RAF1: variants seen among roughly 807,000 people sequenced by gnomAD.
The protein encoded by RAF1 is RAF proto-oncogene serine/threonine-protein kinase.
RAF1 carries 27 observed loss-of-function variants against 81.1 expected under a neutral mutation model. That is an observed-to-expected ratio of 0.33 (90% confidence interval 0.25 to 0.46). The LOEUF is 0.46. Among genes scored for constraint, RAF1 ranks in the 20% least tolerant of loss-of-function variants. RAF1 has a pLI of 1.00. For missense variants in RAF1, 598 were observed against 826.0 expected, an observed-to-expected ratio of 0.72 and a Z score of 3.38; for synonymous variants, 298 against 294.0, an observed-to-expected ratio of 1.01 and a Z score of -0.14.
chr3:12,630,217 ACTATCAGT>A (rs1394824530), intron 1 of RAF1, among the ~76,000 whole-genome samples: 30 of 152,206 alleles, frequency 2.0e-4, no homozygotes, highest in Admixed American at 1.9e-3. Context: ...ACAATAAATA[ACTATCAGT>A]TCAAAATCTA....
chr3:12,590,046 C>T (rs1183175713), intron 13 of RAF1: 1 of 151,958 alleles, frequency 6.6e-6, no homozygotes, highest in Admixed American at 6.6e-5. Context: ...GCCTCAGCCT[C>T]CCAAAGTGCT....
At chr3:12,631,531 G>A (rs968919362) in intron 1 of RAF1, among the ~76,000 whole-genome samples, 11 of 152,246 alleles carry the variant, frequency 7.2e-5, no homozygotes, top group African/African-American at 2.2e-4. Flanking sequence ...CCCGGGAGGC[G>A]GAGCTTGCAG....
intron 6 of RAF1, among the ~76,000 whole-genome samples, chr3:12,605,737 A>C (rs1284240940): frequency 6.6e-6 from 1 of 152,216 alleles, no homozygotes; most frequent in Non-Finnish European, 1.5e-5. Context: ...GAGAAACAAT[A>C]TTTATGCTGA....
intron 1 of RAF1, among the ~76,000 whole-genome samples, chr3:12,636,312 G>C (rs1034988182): frequency 9.9e-5 from 15 of 151,222 alleles, no homozygotes; most frequent in Non-Finnish European, 2.2e-4. Flanking sequence ...AAACAGCTGG[G>C]TTTGGTGGTA....
intron 1 of RAF1, among the ~76,000 whole-genome samples, chr3:12,653,992 CT>C (rs57322131): frequency 2.8e-3 from 393 of 141,508 alleles, no homozygotes; most frequent in East Asian, 5.4e-3. Context: ...TTTTCTTTTT[CT>C]TTTTTTTTTT....
At chr3:12,633,701 C>T (rs574087115) in intron 1 of RAF1, among the ~76,000 whole-genome samples, 208 of 151,140 alleles carry the variant, frequency 1.4e-3, no homozygotes, top group African/African-American at 4.8e-3. Flanking sequence ...TTTGGGAAGC[C>T]GAGGCGGGCG....
At chr3:12,628,507 GTT>G (rs1292005944) in intron 1 of RAF1, among the ~76,000 whole-genome samples, 1 of 151,942 alleles carries the variant, frequency 6.6e-6, no homozygotes, top group Non-Finnish European at 1.5e-5. Flanking sequence ...ACAAAAAAAA[GTT>G]TTTAAAAAGT....
chr3:12,647,587 C>T (rs1275980016), intron 1 of RAF1, among the ~76,000 whole-genome samples: 2 of 148,796 alleles, frequency 1.3e-5, no homozygotes, highest in Non-Finnish European at 3.0e-5. Flanking sequence ...GAGTGAGACC[C>T]TGTCTCAAAC....
chr3:12,633,193 AACAC>A (rs1179466437), intron 1 of RAF1, among the ~76,000 whole-genome samples: 4 of 152,126 alleles, frequency 2.6e-5, no homozygotes, highest in Non-Finnish European at 5.9e-5. Flanking sequence ...TAAAGACCAA[AACAC>A]ACAGAGAAAA....
In RAF1 at chr3:12,600,203, T is replaced by C. The variant is rs2058816683; in HGVS notation, c.999A>G (p.Pro333=). Residue 333 remains proline (P), a synonymous_variant, in exon 10 of 18, where the codon CCA becomes CCG. Coordinates refer to ENST00000442415, the MANE Select transcript of RAF1 (RefSeq NM_001354689.3). ...ATACTGGTGCCCGCTCTCTTTGTGC[T>C]GGCACGGGGGTTTTCGGCTGTGACC... The C allele has an allele frequency of 1.2e-6, 2 of 1,614,240 alleles. No individual in the cohort carries two copies. Among genetic ancestry groups the C allele is most frequent in the Non-Finnish European group, 1.7e-6 (2 of 1,180,036 alleles).
intron 1 of RAF1, among the ~76,000 whole-genome samples, chr3:12,656,890 G>C (rs2060711073): frequency 6.6e-6 from 1 of 151,894 alleles, no homozygotes; most frequent in East Asian, 1.9e-4. Flanking sequence ...CCTGCTACTT[G>C]GGAAGCTGAG....
intron 1 of RAF1, among the ~76,000 whole-genome samples, chr3:12,645,780 G>A (rs2060330241): frequency 6.6e-6 from 1 of 151,920 alleles, no homozygotes; most frequent in Non-Finnish European, 1.5e-5. Flanking sequence ...TCACTATGTT[G>A]CCCAGGCTAG....
intron 5 of RAF1, among the ~76,000 whole-genome samples, chr3:12,607,949 C>CAAAAAAA (rs58308841): frequency 2.2e-4 from 15 of 66,842 alleles, no homozygotes; most frequent in South Asian, 8.6e-4. Flanking sequence ...GACTTGTCTC[C>CAAAAAAA]AAAAAAAAAA....
intron 1 of RAF1, among the ~76,000 whole-genome samples, chr3:12,624,896 A>AAC (rs2059657110): frequency 7.7e-6 from 1 of 130,504 alleles, no homozygotes; most frequent in African/African-American, 2.7e-5. Flanking sequence ...AAAAAAAAAA[A>AAC]AAAAAACAAA....
At chr3:12,661,701 G>A (rs936618133) in intron 1 of RAF1, among the ~76,000 whole-genome samples, 7 of 151,416 alleles carry the variant, frequency 4.6e-5, no homozygotes, top group Admixed American at 2.0e-4. Context: ...AGACTCCGTC[G>A]CAAAAAAATA....
At chr3:12,662,645 C>T (rs1292379426) in intron 1 of RAF1, among the ~76,000 whole-genome samples, 1 of 152,042 alleles carries the variant, frequency 6.6e-6, no homozygotes, top group Non-Finnish European at 1.5e-5. Flanking sequence ...TCCCCAAACT[C>T]ATCCCAACTC....
intron 15 of RAF1, 160 bp from the exon 15 acceptor site, chr3:12,585,413 A>T (rs1302549829): frequency 6.1e-6 from 6 of 985,294 alleles, no homozygotes; most frequent in Non-Finnish European, 7.2e-6. Context: ...GGCACTGGTT[A>T]AAACAGCTCA....
In RAF1 at chr3:12,626,091, C is replaced by T. The variant is rs577935995; in HGVS notation, c.-26-7344G>A. ...GACCAGCCTGGCTAACATAGTGAAA[C>T]CCTATTTCTACTAAAAATACAAAAA... On this transcript the variant is annotated intron_variant, in intron 1 of 17. Transcript: ENST00000442415. 4.6e-5 allele frequency among the ~76,000 whole-genome samples: 7 copies of T among 151,348 alleles called. No homozygotes were observed. In the South Asian group the frequency reaches 1.5e-3, roughly 32 times the overall value.
chr3:12,618,680 A>G lies in RAF1; in HGVS notation c.42T>C (p.Gly14=). The G allele has an allele frequency of 6.2e-7, 1 of 1,614,198 alleles. No homozygotes were observed. Among genetic ancestry groups the G allele is most frequent in the African/African-American group, 1.3e-5 (1 of 75,040 alleles). ...CAAACACGGCATCTTTGAATCCAAAACCATTGCTGATCGTCTTCCAAGCTC... is the reference window on the plus strand; with the variant it reads ...CAAACACGGCATCTTTGAATCCAAAGCCATTGCTGATCGTCTTCCAAGCTC... Residue 14 remains glycine (G), a synonymous_variant, in exon 2 of 18, where the codon GGT becomes GGC. Transcript: ENST00000442415.
Sources: allele counts gnomAD v4.1 joint callset (sites outside exome capture counted in the v4.1 genomes callset), GRCh38; gene constraint gnomAD v4.1.1; transcripts MANE v1.5; gene names NCBI Gene and HGNC (gene_info 2026-07-23, HGNC 2026-07-21).